GTF2A1: variants seen among roughly 807,000 people sequenced by gnomAD.
GTF2A1 encodes general transcription factor IIA subunit 1.
A neutral mutation model predicts 54.1 loss-of-function variants in GTF2A1; 12 were observed. The observed-to-expected ratio is 0.22, with a 90% CI of 0.14 to 0.36. GTF2A1 has a LOEUF of 0.36. Ranked by LOEUF, GTF2A1 falls within the 10% of genes least tolerant of loss-of-function variation. The probability of loss-of-function intolerance (pLI) is 1.00; values close to 1 mark genes in which losing one functional copy is unlikely to be tolerated. For missense variants in GTF2A1, 335 were observed against 442.2 expected, an observed-to-expected ratio of 0.76 and a Z score of 2.17; for synonymous variants, 145 against 152.0, an observed-to-expected ratio of 0.95 and a Z score of 0.34.
At chr14:81,209,775 C>T in intron 2 of GTF2A1, 1 of 422,712 alleles carries the variant, frequency 2.4e-6, no homozygotes, top group Non-Finnish European at 4.4e-6. Flanking sequence ...CCCACAATTC[C>T]CTATACAAGA....
At chr14:81,219,385 T>C (rs188272083) in intron 1 of GTF2A1, among the ~76,000 whole-genome samples, 21 of 152,324 alleles carry the variant, frequency 1.4e-4, no homozygotes, top group Admixed American at 3.9e-4. Context: ...CCGGATCTGG[T>C]GTTTAAATGG....
chr14:81,185,674 A>G (rs1024165453), intron 7 of GTF2A1, 54 bp from the exon 8 acceptor site: 1 of 730,166 alleles, frequency 1.4e-6, no homozygotes, highest in Non-Finnish European at 2.2e-6. Context: ...ATATTCACTG[A>G]AAAAAAAAAT....
chr14:81,205,126 T>A (rs981833235), intron 2 of GTF2A1, among the ~76,000 whole-genome samples: 5 of 152,144 alleles, frequency 3.3e-5, no homozygotes, highest in Non-Finnish European at 5.9e-5. Context: ...TTTTATTTTT[T>A]TTTTTAATTT....
At position 81,214,320 on chromosome 14, in the gene GTF2A1, A is replaced by G. The variant is rs140216009; in HGVS notation, c.132+2093T>C. Among the ~76,000 whole-genome samples the G allele has an allele frequency of 1.1e-4, 16 of 152,264 alleles. No individual in the cohort carries two copies. The East Asian group carries it at 3.1e-3, about 29-fold the overall frequency. ...AATCAACTTCTAAACCAGCAGTTCT[A>G]AAACTCTTTCATCTCAGGACGATTT... is the stretch of plus-strand genomic sequence containing the variant. On this transcript the variant is annotated intron_variant, in intron 2 of 8. Transcript: ENST00000553612.
chr14:81,213,383 A>C (rs189011319), intron 2 of GTF2A1, among the ~76,000 whole-genome samples: 8 of 152,340 alleles, frequency 5.3e-5, no homozygotes, highest in Admixed American at 5.2e-4. Flanking sequence ...TATTAACGAT[A>C]GGGAAAATTC....
At chr14:81,195,923 T>C (rs774502178) in intron 6 of GTF2A1, among the ~76,000 whole-genome samples, 185 bp downstream of exon 6, 5 of 152,178 alleles carry the variant, frequency 3.3e-5, no homozygotes, top group Non-Finnish European at 5.9e-5. Context: ...ACAACAGTAA[T>C]TGTTTAATAC....
chr14:81,209,958 CA>C (rs1176385468), intron 2 of GTF2A1: 2 of 1,102,686 alleles, frequency 1.8e-6, no homozygotes, highest in African/African-American at 1.6e-5. Flanking sequence ...GAAGGGAAAA[CA>C]AAACTATTGT....
At chr14:81,204,241 T>A in intron 2 of GTF2A1, 137 bp from the exon 3 acceptor site, 1 of 790,148 alleles carries the variant, frequency 1.3e-6, no homozygotes, top group Non-Finnish European at 2.3e-6. Context: ...AAATCTGTAA[T>A]TCTAACCCAA....
At position 81,188,522 on chromosome 14, in the gene GTF2A1, A is replaced by G. The variant is rs559178071; in HGVS notation, c.934-2902T>C. Among the ~76,000 whole-genome samples the G allele has an allele frequency of 7.0e-4, 107 of 152,330 alleles. 2 individuals carry two copies. Among genetic ancestry groups the G allele is most frequent in the African/African-American group, 2.3e-3 (97 of 41,584 alleles). ...CACAATGGCTCACGCCTGTAATCCCAGTACTTTGCGAGGCCGAGGTGGGCA... is the reference window on the plus strand; with the variant it reads ...CACAATGGCTCACGCCTGTAATCCCGGTACTTTGCGAGGCCGAGGTGGGCA... On this transcript the variant is annotated intron_variant, in intron 7 of 8. Coordinates refer to ENST00000553612, the MANE Select transcript of GTF2A1 (RefSeq NM_015859.4).
intron 2 of GTF2A1, among the ~76,000 whole-genome samples, chr14:81,210,135 C>G (rs1328096553): frequency 6.6e-6 from 1 of 152,010 alleles, no homozygotes; most frequent in Non-Finnish European, 1.5e-5. Context: ...TGGCCCCACA[C>G]ATTTCCAACA....
intron 5 of GTF2A1, 31 bp downstream of exon 5, chr14:81,197,378 A>G: frequency 8.5e-7 from 1 of 1,180,536 alleles, no homozygotes; most frequent in Non-Finnish European, 1.2e-6. Flanking sequence ...TCTGAATTAC[A>G]TTTTAAAATG....
chr14:81,207,736 G>A (rs1893271952), intron 2 of GTF2A1, among the ~76,000 whole-genome samples: 2 of 152,226 alleles, frequency 1.3e-5, no homozygotes, highest in South Asian at 4.1e-4. Context: ...GGCTGAGGTG[G>A]TCTCAGATGG....
intron 1 of GTF2A1, among the ~76,000 whole-genome samples, chr14:81,217,881 T>C (rs1193456469): frequency 6.6e-6 from 1 of 152,178 alleles, no homozygotes; most frequent in Non-Finnish European, 1.5e-5. Flanking sequence ...AGAAAACCAA[T>C]TCAAATATCT....
chr14:81,194,229 C>A lies in GTF2A1; in HGVS notation c.613-1390G>T, dbSNP rs555187415. Among the ~76,000 whole-genome samples the A allele has an allele frequency of 1.1e-4, 17 of 152,326 alleles. No homozygotes were observed. In the South Asian group the frequency reaches 3.3e-3, roughly 30 times the overall value. Reference sequence around the variant, plus strand: ...GGAACCCTACTGTGAACTGCACATGCAAGGATGGAGGTTGTGCACTCCTTA... The same window carrying A: ...GGAACCCTACTGTGAACTGCACATGAAAGGATGGAGGTTGTGCACTCCTTA... On this transcript the variant is annotated intron_variant, in intron 6 of 8. Transcript: ENST00000553612.
intron 4 of GTF2A1, among the ~76,000 whole-genome samples, chr14:81,198,429 C>T (rs1046926670): frequency 6.6e-6 from 1 of 152,156 alleles, no homozygotes; most frequent in Non-Finnish European, 1.5e-5. Flanking sequence ...GGGCAATAGT[C>T]ACAAACTTTA....
intron 1 of GTF2A1, among the ~76,000 whole-genome samples, chr14:81,217,083 T>C (rs1893503321): frequency 1.3e-5 from 2 of 152,352 alleles, no homozygotes; most frequent in Non-Finnish European, 2.9e-5. Context: ...CAAGGTATAC[T>C]GATTTCCTTC....
chr14:81,215,440 G>A (rs1893466938), intron 2 of GTF2A1, among the ~76,000 whole-genome samples: 3 of 152,146 alleles, frequency 2.0e-5, no homozygotes, highest in African/African-American at 7.2e-5. Flanking sequence ...AACCCTTGGG[G>A]AGAATCCAGG....
chr14:81,194,766 C>T (rs973174233), intron 6 of GTF2A1, among the ~76,000 whole-genome samples: 1 of 152,130 alleles, frequency 6.6e-6, no homozygotes, highest in African/African-American at 2.4e-5. Flanking sequence ...GAAACAAGAT[C>T]CACAAAAAGA....
chr14:81,185,398 G>T, intron 8 of GTF2A1, 133 bp downstream of exon 8: 1 of 527,674 alleles, frequency 1.9e-6, no homozygotes, highest in Non-Finnish European at 3.4e-6. Context: ...CTCTAACAGG[G>T]TTTTCGTACT....
Sources: allele counts gnomAD v4.1 joint callset (sites outside exome capture counted in the v4.1 genomes callset), GRCh38; gene constraint gnomAD v4.1.1; transcripts MANE v1.5; gene names NCBI Gene and HGNC (gene_info 2026-07-23, HGNC 2026-07-21).